The following MAGEA12 variants were observed in gnomAD, a reference collection of about 807,000 sequenced individuals.
The protein encoded by MAGEA12 is melanoma-associated antigen 12.
For missense variants in MAGEA12, 235 were observed against 240.1 expected, an observed-to-expected ratio of 0.98 and a Z score of 0.14; for synonymous variants, 135 against 104.7, an observed-to-expected ratio of 1.29 and a Z score of -1.77.
intron 2 of MAGEA12, among the ~76,000 whole-genome samples, chrX:152,735,838 G>A (rs1302424604): frequency 9.0e-6 from 1 of 111,634 alleles, no homozygotes; most frequent in African/African-American, 3.3e-5. Context: ...CCTCTCCCAG[G>A]AATCAGGAGT....
At chrX:152,734,394 C>T (rs1391402779) in intron 1 of MAGEA12, among the ~76,000 whole-genome samples, 2 of 111,423 alleles carry the variant, frequency 1.8e-5, no homozygotes, top group Non-Finnish European at 3.8e-5. Context: ...TGAGTACGGC[C>T]TTTGGGAAGC....
Position 152,736,680 on chromosome X carries a change from C to A in MAGEA12, c.519C>A (p.Gly173=). Residue 173 remains glycine, a synonymous_variant, in exon 3 of 3, where the codon GGC becomes GGA. Coordinates refer to ENST00000393869, the MANE Select transcript of MAGEA12 (RefSeq NM_001166387.4). ...AGGTGGTGGAAGTGGTCCGCATCGGCCACTTGTACATCCTTGTCACCTGCC... is the reference window on the plus strand; with the variant it reads ...AGGTGGTGGAAGTGGTCCGCATCGGACACTTGTACATCCTTGTCACCTGCC... ...GIEVVEVVRI[G]HLYILVTCLG... The A allele has an allele frequency of 8.2e-7, 1 of 1,212,135 alleles. No homozygotes were observed. The highest frequency in any genetic ancestry group is 1.7e-5 in the African/African-American group (1 of 57,857).
In MAGEA12 at chrX:152,737,130, G is replaced by C. The variant is rs782409693; in HGVS notation, c.*24G>C. On this transcript the variant is annotated 3_prime_UTR_variant, in exon 3 of 3. Transcript: ENST00000393869. The stretch of plus-strand genomic sequence containing the variant: ...GAGTCTGAGCACGAGTTGCAGCCAG[G>C]GCCAGTGGGAGGGGGTCTGGGCCAG... The C allele has an allele frequency of 8.4e-7, 1 of 1,196,424 alleles. No homozygotes were observed. The highest frequency in any genetic ancestry group is 1.1e-6 in the Non-Finnish European group (1 of 882,914).
Position 152,733,851 on chromosome X carries a change from G to C in MAGEA12, c.-190G>C, listed in dbSNP as rs1371812250. ...AGGGAAGCAGGCGCAGGCTCCGTGA[G>C]GAGGCAAGGTAAGATGCCGAGGGAG... On this transcript the variant is annotated 5_prime_UTR_variant, in exon 1 of 3. Transcript: ENST00000393869. The C allele has an allele frequency of 1.8e-5, 2 of 110,930 alleles. No homozygotes were observed. Among genetic ancestry groups the C allele is most frequent in the African/African-American group, 6.6e-5 (2 of 30,393 alleles). The allele number at this position is 110,930 out of a possible 1,213,427, so 9.1% of individuals were successfully genotyped here.
chrX:152,736,358 A>T lies in MAGEA12; in HGVS notation c.197A>T (p.Gln66Leu). The change falls in exon 3 of 3, where the codon CAG becomes CTG. Residue 66 changes from glutamine to leucine, a missense_variant. Coordinates refer to ENST00000393869, the MANE Select transcript of MAGEA12 (RefSeq NM_001166387.4). ...AESPSPPHSP[Q>L]GASTLPTTIN... Reference sequence around the variant, plus strand: ...TCACCAAGTCCTCCCCACAGTCCTCAGGGAGCCTCCACCCTCCCCACTACC... The same window carrying T: ...TCACCAAGTCCTCCCCACAGTCCTCTGGGAGCCTCCACCCTCCCCACTACC... The T allele has an allele frequency of 8.3e-7, 1 of 1,211,294 alleles. No homozygotes were observed. The highest frequency in any genetic ancestry group is 3.0e-5 in the East Asian group (1 of 33,801).
intron 1 of MAGEA12, among the ~76,000 whole-genome samples, chrX:152,734,515 C>A (rs782433711): frequency 2.7e-5 from 3 of 111,260 alleles, no homozygotes; most frequent in Non-Finnish European, 5.7e-5. Flanking sequence ...CCTTTTCATT[C>A]GGCCGCGGGA....
chrX:152,736,549 T>G lies in MAGEA12; in HGVS notation c.388T>G (p.Phe130Val), dbSNP rs369452305. 1.6e-5 allele frequency: 19 copies of G among 1,210,101 alleles called. No individual in the cohort carries two copies. In the East Asian group the frequency reaches 1.8e-4, roughly 11 times the overall value. ...CCTCAAGTATCGAGCCAGGGAGCCA[T>G]TCACAAAGGCAGAAATGCTGGGGAG... ...LLLKYRAREPFTKAEMLGSVI... is the reference protein window; with the variant it reads ...LLLKYRAREPVTKAEMLGSVI... Residue 130 changes from phenylalanine (F) to valine (V), a missense_variant, in exon 3 of 3, where the codon TTC (phenylalanine) becomes GTC (valine). Physicochemically the swap from Phe to Val is conservative, Grantham distance 50. Transcript: ENST00000393869.
chrX:152,736,111 C>G lies in MAGEA12; in HGVS notation c.-51C>G. The G allele has an allele frequency of 8.6e-7, 1 of 1,163,863 alleles. No individual in the cohort carries two copies. On this transcript the variant is annotated 5_prime_UTR_variant, in exon 3 of 3. Transcript: ENST00000393869. ...GGTTCTGAGGAGACAGGCCCCGGAG[C>G]AGCACTAGCTCCTGCCCACACTCCT...
chrX:152,736,373 T>A lies in MAGEA12; in HGVS notation c.212T>A (p.Leu71His), dbSNP rs782028403. The change falls in exon 3 of 3, where the codon CTC becomes CAC. Residue 71 changes from leucine to histidine, a missense_variant. Transcript: ENST00000393869. ...CACAGTCCTCAGGGAGCCTCCACCC[T>A]CCCCACTACCATCAACTATACTCTC... ...PPHSPQGAST[L>H]PTTINYTLWS... 2 of 1,210,571 alleles carry A rather than the reference T, an allele frequency of 1.7e-6. No homozygotes were observed. Among genetic ancestry groups the A allele is most frequent in the South Asian group, 3.5e-5 (2 of 56,862 alleles).
rs782168132 is a variant in MAGEA12, at chrX:152,737,055, C to T, written c.894C>T (p.His298=). The T allele has an allele frequency of 9.1e-6, 11 of 1,211,898 alleles. No homozygotes were observed. Among genetic ancestry groups the T allele is most frequent in the Non-Finnish European group, 1.1e-5 (10 of 895,525 alleles). The change falls in exon 3 of 3, where the codon CAC becomes CAT. Residue 298 remains histidine (H), a synonymous_variant. Transcript: ENST00000393869. ...HHLLKISGGP[H]ISYPPLHEWA... is the part of the protein sequence containing the mutation. Reference sequence around the variant, plus strand: ...TGCTAAAGATCAGTGGAGGACCTCACATTTCCTACCCACCCCTGCATGAAT... The same window carrying T: ...TGCTAAAGATCAGTGGAGGACCTCATATTTCCTACCCACCCCTGCATGAAT...
At position 152,736,368 on chromosome X, in the gene MAGEA12, C is replaced by G. The variant is rs782094782; in HGVS notation, c.207C>G (p.Ser69=). Residue 69 remains serine, a synonymous_variant, in exon 3 of 3, where the codon TCC becomes TCG. Coordinates refer to ENST00000393869, the MANE Select transcript of MAGEA12 (RefSeq NM_001166387.4). The part of the protein sequence containing the change: ...PSPPHSPQGA[S]TLPTTINYTL... ...CTCCCCACAGTCCTCAGGGAGCCTC[C>G]ACCCTCCCCACTACCATCAACTATA... The G allele has an allele frequency of 1.2e-5, 15 of 1,211,306 alleles. No individual in the cohort carries two copies. The Admixed American group carries it at 3.3e-4, about 26-fold the overall frequency.
In MAGEA12 at chrX:152,733,847, G is replaced by C. The variant is rs1368326932; in HGVS notation, c.-194G>C. The C allele has an allele frequency of 4.5e-5, 5 of 110,841 alleles. No homozygotes were observed. The highest frequency in any genetic ancestry group is 7.7e-4 in the South Asian group (2 of 2,600). 9.1% of individuals were successfully genotyped at this position (110,841 alleles called of 1,213,427 possible). A position where few individuals can be genotyped will look rare whatever the true frequency, so the allele number is the denominator to read the frequency against. ...GTGGAGGGAAGCAGGCGCAGGCTCC[G>C]TGAGGAGGCAAGGTAAGATGCCGAG... On this transcript the variant is annotated 5_prime_UTR_variant, in exon 1 of 3. Coordinates refer to ENST00000393869, the MANE Select transcript of MAGEA12 (RefSeq NM_001166387.4).
chrX:152,735,992 G>A, intron 2 of MAGEA12, 95 bp from the exon 3 acceptor site: 2 of 516,614 alleles, frequency 3.9e-6, no homozygotes, highest in Admixed American at 3.9e-5. Flanking sequence ...TGGGACTCCA[G>A]AGCGCCTGGC....
Position 152,735,239 on chromosome X carries a change from C to A in MAGEA12, c.-90C>A. 8.2e-6 allele frequency: 1 copy of A among 122,455 alleles called. No individual in the cohort carries two copies. The allele number at this position is 122,455 out of a possible 1,213,427, so 10.1% of individuals were successfully genotyped here. Reference sequence around the variant, plus strand: ...TCGACAGACACAGTGGTCCTAAGATCTACCAAGCATCCAGGTGAGAAGCCT... The same window carrying A: ...TCGACAGACACAGTGGTCCTAAGATATACCAAGCATCCAGGTGAGAAGCCT... On this transcript the variant is annotated 5_prime_UTR_variant, in exon 2 of 3. Transcript: ENST00000393869.
At chrX:152,734,508 T>A (rs1215334143) in intron 1 of MAGEA12, among the ~76,000 whole-genome samples, 3 of 110,905 alleles carry the variant, frequency 2.7e-5, no homozygotes, top group Non-Finnish European at 5.7e-5. Context: ...TGAGCCACCT[T>A]TTCATTCGGC....
chrX:152,737,466 A>G lies in MAGEA12; in HGVS notation c.*360A>G, dbSNP rs1225545423. Reference sequence around the variant, plus strand: ...CATTCCATTTTGTGAATTGTGACAAATAACAGCAGTGGAAAAAGTATGTGC... The same window carrying G: ...CATTCCATTTTGTGAATTGTGACAAGTAACAGCAGTGGAAAAAGTATGTGC... On this transcript the variant is annotated 3_prime_UTR_variant, in exon 3 of 3. Transcript: ENST00000393869. The G allele has an allele frequency of 6.0e-6, 2 of 332,827 alleles. No individual in the cohort carries two copies. Among genetic ancestry groups the G allele is most frequent in the Non-Finnish European group, 1.2e-5 (2 of 171,745 alleles). The allele number at this position is 332,827 out of a possible 1,213,427, so 27.4% of individuals were successfully genotyped here.
intron 2 of MAGEA12, among the ~76,000 whole-genome samples, chrX:152,735,589 T>G (rs1932297024): frequency 8.9e-6 from 1 of 112,170 alleles, no homozygotes; most frequent in African/African-American, 3.2e-5. Context: ...GGCCAGATGT[T>G]GGTCCCCTCA....
chrX:152,736,995 C>T lies in MAGEA12; in HGVS notation c.834C>T (p.Leu278=), dbSNP rs1556225569. 2.5e-6 allele frequency: 3 copies of T among 1,211,925 alleles called. No homozygotes were observed. Among genetic ancestry groups the T allele is most frequent in the South Asian group, 1.8e-5 (1 of 57,004 alleles). Residue 278 remains leucine, a synonymous_variant, in exon 3 of 3, where the codon CTC becomes CTT. Transcript: ENST00000393869. The stretch of plus-strand genomic sequence containing the variant: ...AGTTCCTGTGGGGTCCAAGGGCCCT[C>T]GTTGAAACCAGCTATGTGAAAGTCC... ...CYEFLWGPRA[L]VETSYVKVLH... is the part of the protein sequence containing the mutation.
In MAGEA12 at chrX:152,737,212, A is replaced by G. The variant is rs1362150275; in HGVS notation, c.*106A>G. 1 of 803,253 alleles carries G rather than the reference A, an allele frequency of 1.2e-6. No homozygotes were observed. The highest frequency in any genetic ancestry group is 2.4e-5 in the Admixed American group (1 of 42,368). 66.2% of individuals were successfully genotyped at this position (803,253 alleles called of 1,213,427 possible). The stretch of plus-strand genomic sequence containing the variant: ...CACTGCCTCGTGTGACATGAGGCCC[A>G]TTCTTCACTCTTTGAAGAGAGCAGT... On this transcript the variant is annotated 3_prime_UTR_variant, in exon 3 of 3. Coordinates refer to ENST00000393869, the MANE Select transcript of MAGEA12 (RefSeq NM_001166387.4).
Sources: gnomAD v4.1 joint callset for allele counts (sites outside exome capture counted in the v4.1 genomes callset) on GRCh38, gnomAD v4.1.1 for gene constraint, MANE v1.5 for transcripts, NCBI Gene and HGNC (gene_info 2026-07-23, HGNC 2026-07-21) for gene names.